GABRB2: variants seen among roughly 807,000 people sequenced by gnomAD.
GABRB2 encodes the protein gamma-aminobutyric acid receptor subunit beta-2.
A neutral mutation model predicts 54.7 loss-of-function variants in GABRB2; 16 were observed. The ratio of observed to expected loss-of-function variants is 0.29; its 90% CI spans 0.20 to 0.44. GABRB2 has a LOEUF of 0.44. Ranked by LOEUF, GABRB2 falls within the 20% of genes least tolerant of loss-of-function variation. The pLI is 1.00. For missense variants in GABRB2, 355 were observed against 644.0 expected, an observed-to-expected ratio of 0.55 and a Z score of 4.86; for synonymous variants, 244 against 233.8, an observed-to-expected ratio of 1.04 and a Z score of -0.40.
At chr5:161,309,955 A>C (rs1179833593) in intron 9 of GABRB2, among the ~76,000 whole-genome samples, 1 of 152,150 alleles carries the variant, frequency 6.6e-6, no homozygotes, top group African/African-American at 2.4e-5. Context: ...AAAGTGGTAC[A>C]TATATACTCT....
At chr5:161,427,768 T>C (rs1020306590) in intron 4 of GABRB2, among the ~76,000 whole-genome samples, 5 of 152,206 alleles carry the variant, frequency 3.3e-5, no homozygotes, top group Non-Finnish European at 7.3e-5. Flanking sequence ...GATATATTTC[T>C]GTCAGGTAAT....
chr5:161,545,138 A>C (rs566100285), intron 3 of GABRB2, 89 bp downstream of exon 3: 1 of 936,092 alleles, frequency 1.1e-6, no homozygotes, highest in African/African-American at 1.7e-5. Context: ...ATAGCCAAGC[A>C]CACCCCCACC....
intron 3 of GABRB2, among the ~76,000 whole-genome samples, chr5:161,469,129 T>C (rs1319476817): frequency 6.6e-6 from 1 of 151,912 alleles, no homozygotes; most frequent in Non-Finnish European, 1.5e-5. Context: ...TGTGATGACA[T>C]GTCAAGTGAT....
At chr5:161,393,862 C>A (rs1366182767) in intron 5 of GABRB2, among the ~76,000 whole-genome samples, 2 of 151,970 alleles carry the variant, frequency 1.3e-5, no homozygotes, top group East Asian at 3.9e-4. Flanking sequence ...CTAATATAAA[C>A]ATAGAAAGTA....
intron 5 of GABRB2, among the ~76,000 whole-genome samples, chr5:161,345,117 A>G (rs561859028): frequency 3.3e-5 from 5 of 152,064 alleles, no homozygotes; most frequent in Non-Finnish European, 7.4e-5. Flanking sequence ...GGGTGCAGCA[A>G]ACCACCATGG....
intron 3 of GABRB2, among the ~76,000 whole-genome samples, chr5:161,479,676 G>A (rs183231368): frequency 1.6e-4 from 23 of 146,132 alleles, no homozygotes; most frequent in Admixed American, 5.7e-4. Flanking sequence ...AGCAACTTCC[G>A]CCTCCCAGTT....
chr5:161,307,657 T>G (rs1434416765), intron 9 of GABRB2, among the ~76,000 whole-genome samples: 1 of 152,028 alleles, frequency 6.6e-6, no homozygotes, highest in East Asian at 1.9e-4. Flanking sequence ...GTTTTAAGAC[T>G]GAGAAAAAAA....
intron 3 of GABRB2, among the ~76,000 whole-genome samples, chr5:161,482,465 C>T (rs897394320): frequency 9.2e-5 from 14 of 152,064 alleles, no homozygotes; most frequent in Non-Finnish European, 1.5e-4. Flanking sequence ...GAGACTGCCT[C>T]GTGGCAGAAA....
chr5:161,461,831 G>C (rs1343927814), intron 3 of GABRB2, among the ~76,000 whole-genome samples: 1 of 152,108 alleles, frequency 6.6e-6, no homozygotes, highest in East Asian at 1.9e-4. Flanking sequence ...AATAATATAT[G>C]TCCAGTAAGC....
intron 5 of GABRB2, among the ~76,000 whole-genome samples, chr5:161,368,216 A>C (rs1236894515): frequency 6.6e-6 from 1 of 152,118 alleles, no homozygotes; most frequent in Non-Finnish European, 1.5e-5. Flanking sequence ...GGAAAGGTGG[A>C]AAAATTGGAG....
chr5:161,344,187 AT>A (rs1279987076), intron 5 of GABRB2, among the ~76,000 whole-genome samples: 1 of 152,008 alleles, frequency 6.6e-6, no homozygotes, highest in Admixed American at 6.6e-5. Flanking sequence ...GCATTAAAAT[AT>A]TTTTTCCTAG....
At chr5:161,442,152 T>C (rs1757484591) in intron 4 of GABRB2, among the ~76,000 whole-genome samples, 2 of 152,192 alleles carry the variant, frequency 1.3e-5, no homozygotes, top group South Asian at 4.1e-4. Flanking sequence ...GGAAAACCCA[T>C]TGCCCATAAT....
chr5:161,352,332 A>G (rs1754494817), intron 5 of GABRB2, among the ~76,000 whole-genome samples: 1 of 152,054 alleles, frequency 6.6e-6, no homozygotes, highest in South Asian at 2.1e-4. Context: ...TGGATAAAGA[A>G]AATTTGGTAT....
rs2113331511 is a variant in GABRB2 at position 161,293,058 on chromosome 5, CTGTATT to C, written c.*1017_*1022del. ...AACAATCTGTTTGCTAGTTTGTGCT[CTGTATT>C]TGTATATTTGAATGACTCTGAATCT... is the stretch of plus-strand genomic sequence containing the variant. On this transcript the variant is annotated 3_prime_UTR_variant, in exon 10 of 10. Transcript: ENST00000393959. 1 of 152,266 alleles carries C rather than the reference CTGTATT, an allele frequency of 6.6e-6. No individual in the cohort carries two copies. Among genetic ancestry groups the C allele is most frequent in the South Asian group, 2.1e-4 (1 of 4,830 alleles). 9.4% of individuals were successfully genotyped at this position (152,266 alleles called of 1,614,324 possible).
At chr5:161,498,665 G>A (rs1759330295) in intron 3 of GABRB2, among the ~76,000 whole-genome samples, 1 of 152,010 alleles carries the variant, frequency 6.6e-6, no homozygotes, top group Non-Finnish European at 1.5e-5. Flanking sequence ...CTGGGTCCAG[G>A]GTCCAAACTC....
At chr5:161,311,609 A>C (rs1330634884) in intron 9 of GABRB2, among the ~76,000 whole-genome samples, 2 of 152,222 alleles carry the variant, frequency 1.3e-5, no homozygotes, top group East Asian at 3.8e-4. Flanking sequence ...TCCTCAGTGT[A>C]GTTCTCAAGG....
intron 3 of GABRB2, among the ~76,000 whole-genome samples, chr5:161,505,563 TTAA>T (rs1191291342): frequency 1.3e-5 from 2 of 152,100 alleles, no homozygotes; most frequent in African/African-American, 4.8e-5. Flanking sequence ...TACAAAAAAA[TTAA>T]TAATATGTTA....
At chr5:161,527,939 A>T (rs1392588299) in intron 3 of GABRB2, among the ~76,000 whole-genome samples, 1 of 151,686 alleles carries the variant, frequency 6.6e-6, no homozygotes. Flanking sequence ...GGGGTCCAGT[A>T]ATCCAACTCC....
chr5:161,321,924 C>T (rs535553055), intron 9 of GABRB2, among the ~76,000 whole-genome samples: 26 of 151,956 alleles, frequency 1.7e-4, no homozygotes, highest in Non-Finnish European at 3.7e-4. Context: ...TAATTTCAAA[C>T]GGTGCTAATA....
Sources: allele counts gnomAD v4.1 joint callset (sites outside exome capture counted in the v4.1 genomes callset), GRCh38; gene constraint gnomAD v4.1.1; transcripts MANE v1.5; gene names NCBI Gene and HGNC (gene_info 2026-07-23, HGNC 2026-07-21).